The following VPS33A variants were observed in gnomAD, a reference collection of about 807,000 sequenced individuals.
VPS33A encodes vacuolar protein sorting-associated protein 33A.
In VPS33A, 32 loss-of-function variants were observed where a neutral mutation model predicts 71.8. The observed-to-expected ratio is 0.45, with a 90% confidence interval of 0.34 to 0.60. The LOEUF is 0.60. Ranked by LOEUF, VPS33A falls within the 20% of genes least tolerant of loss-of-function variation. The probability of loss-of-function intolerance (pLI) is 0.02; values close to 1 mark genes in which losing one functional copy is unlikely to be tolerated. For synonymous variants in VPS33A, 311 were observed against 292.7 expected (o/e 1.06, Z -0.64); for missense variants, 625 against 748.5 (o/e 0.84, Z 1.92).
At chr12:122,265,388 C>T (rs1402740644) in intron 1 of VPS33A, among the ~76,000 whole-genome samples, 2 of 152,102 alleles carry the variant, frequency 1.3e-5, no homozygotes, top group African/African-American at 4.8e-5. Context: ...CGCTAAACTC[C>T]AGTATCATTT....
chr12:122,249,830 C>T (rs1566045746), intron 6 of VPS33A, 41 bp downstream of exon 6: 2 of 1,552,442 alleles, frequency 1.3e-6, no homozygotes, highest in East Asian at 4.5e-5. Context: ...GGATATTCTT[C>T]TCATATTACC....
chr12:122,237,972 G>C (rs1006903914), intron 10 of VPS33A, among the ~76,000 whole-genome samples: 4 of 151,408 alleles, frequency 2.6e-5, no homozygotes, highest in Non-Finnish European at 5.9e-5. Context: ...TTTTTGTAGA[G>C]ACAGGGTCTT....
chr12:122,255,651 G>A (rs919091996), intron 4 of VPS33A, among the ~76,000 whole-genome samples: 4 of 137,394 alleles, frequency 2.9e-5, no homozygotes, highest in Admixed American at 2.4e-4. Context: ...GTTGCAGTGA[G>A]CCGAGATTGC....
chr12:122,244,489 T>C, intron 7 of VPS33A, 80 bp downstream of exon 7: 1 of 1,271,740 alleles, frequency 7.9e-7, no homozygotes, highest in Non-Finnish European at 1.1e-6. Context: ...GCTACATATT[T>C]TTGGAGCTCT....
chr12:122,256,821 G>A (rs926540505), intron 4 of VPS33A, among the ~76,000 whole-genome samples: 3 of 152,122 alleles, frequency 2.0e-5, no homozygotes, highest in Non-Finnish European at 4.4e-5. Flanking sequence ...CTCCAACAGC[G>A]TAGAGAGGAA....
intron 4 of VPS33A, 49 bp from the exon 5 acceptor site, chr12:122,251,148 G>A (rs756420136): frequency 3.1e-6 from 4 of 1,308,848 alleles, no homozygotes; most frequent in Non-Finnish European, 4.4e-6. Flanking sequence ...GCCTCCCAGG[G>A]GCCCATCTCT....
rs954106837 is a variant in VPS33A at position 122,238,466 on chromosome 12, C to G, written c.1302+121G>C. On this transcript the variant is annotated intron_variant, in intron 10 of 12. Coordinates refer to ENST00000267199, the MANE Select transcript of VPS33A (RefSeq NM_022916.6). ...CAAACTCCTAACCTCAAGTGATCCA[C>G]CTGCTTTGGCCTCCCAAAGTGCTGG... The G allele has an allele frequency of 3.2e-6, 4 of 1,232,224 alleles. No individual in the cohort carries two copies. The African/African-American group carries it at 6.1e-5, about 19-fold the overall frequency. 76.3% of individuals were successfully genotyped at this position (1,232,224 alleles called of 1,614,324 possible). A position where few individuals can be genotyped will look rare whatever the true frequency, so the allele number is the denominator to read the frequency against.
chr12:122,240,270 G>A (rs1954695858), intron 8 of VPS33A, among the ~76,000 whole-genome samples: 1 of 152,188 alleles, frequency 6.6e-6, no homozygotes, highest in African/African-American at 2.4e-5. Context: ...GGAGGTTACA[G>A]TGAGCCAAGA....
intron 6 of VPS33A, among the ~76,000 whole-genome samples, chr12:122,247,002 C>A (rs1433520660): frequency 2.6e-5 from 4 of 152,242 alleles, no homozygotes; most frequent in Non-Finnish European, 4.4e-5. Flanking sequence ...ATTTGTACAA[C>A]CTGATTCCAT....
rs748711996 is a variant in VPS33A, at chr12:122,261,257, T to C, written c.483+4A>G. The C allele has an allele frequency of 6.3e-7, 1 of 1,597,606 alleles. No homozygotes were observed. The highest frequency in any genetic ancestry group is 1.1e-5 in the South Asian group (1 of 88,608). On this transcript the variant is annotated splice_donor_region_variant and intron_variant, in intron 4 of 12. Transcript: ENST00000267199. ...GCCTGAAGTTAAGGAAATGCCAAAC[T>C]TACTTTGAATGCACCCTCTGATTCC... is the stretch of plus-strand genomic sequence containing the variant.
intron 7 of VPS33A, among the ~76,000 whole-genome samples, 186 bp downstream of exon 7, chr12:122,244,383 G>A (rs1221020461): frequency 1.3e-5 from 2 of 152,122 alleles, no homozygotes; most frequent in Non-Finnish European, 2.9e-5. Context: ...ACGCAACGCG[G>A]GTCTGAGAAA....
chr12:122,251,216 T>C, intron 4 of VPS33A, 117 bp from the exon 5 acceptor site: 1 of 713,256 alleles, frequency 1.4e-6, no homozygotes, highest in South Asian at 1.8e-5. Flanking sequence ...TATTTCACAC[T>C]GTGCCAGGAA....
intron 4 of VPS33A, among the ~76,000 whole-genome samples, chr12:122,257,246 G>C (rs1476999506): frequency 6.6e-6 from 1 of 151,842 alleles, no homozygotes; most frequent in Non-Finnish European, 1.5e-5. Flanking sequence ...GGGCAACATG[G>C]TAAAATCCCG....
At chr12:122,241,293 CTCTT>C (rs1166369339) in intron 8 of VPS33A, among the ~76,000 whole-genome samples, 1 of 152,036 alleles carries the variant, frequency 6.6e-6, no homozygotes, top group Non-Finnish European at 1.5e-5. Context: ...GACCCTTCCT[CTCTT>C]TCTCTTTTTC....
Position 122,231,756 on chromosome 12 carries a change from C to A in VPS33A, c.*490G>T. Reference sequence around the variant, plus strand: ...CTCAGGTTGATTTTCTTCTATTCTTCTTTCTTCAGCAGATTAGGGGCCAGG... The same window carrying A: ...CTCAGGTTGATTTTCTTCTATTCTTATTTCTTCAGCAGATTAGGGGCCAGG... On this transcript the variant is annotated 3_prime_UTR_variant, in exon 13 of 13. Transcript: ENST00000267199. The A allele has an allele frequency of 4.9e-6, 1 of 202,216 alleles. No individual in the cohort carries two copies. Among genetic ancestry groups the A allele is most frequent in the Non-Finnish European group, 9.9e-6 (1 of 101,486 alleles). The allele number at this position is 202,216 out of a possible 1,614,324, so 12.5% of individuals were successfully genotyped here.
intron 4 of VPS33A, among the ~76,000 whole-genome samples, chr12:122,252,292 G>A (rs1244752928): frequency 6.6e-6 from 1 of 150,926 alleles, no homozygotes; most frequent in Non-Finnish European, 1.5e-5. Context: ...TTTTTGAGAT[G>A]GAGTCTCGCT....
chr12:122,248,059 G>GGTGTGTGT (rs1954798396), intron 6 of VPS33A: 2 of 86,610 alleles, frequency 2.3e-5, no homozygotes, highest in Non-Finnish European at 4.2e-5. Flanking sequence ...ACCAAATCCA[G>GGTGTGTGT]CTGTGTGTGT....
At chr12:122,262,635 T>C (rs1955011970) in intron 3 of VPS33A, among the ~76,000 whole-genome samples, 1 of 148,770 alleles carries the variant, frequency 6.7e-6, no homozygotes, top group South Asian at 2.1e-4. Context: ...GAAATTCAAG[T>C]ACATGCAGTA....
At chr12:122,232,470 A>G in intron 12 of VPS33A, 43 bp from the exon 13 acceptor site, 1 of 1,544,674 alleles carries the variant, frequency 6.5e-7, no homozygotes, top group African/African-American at 1.4e-5. Flanking sequence ...TTTATTATTA[A>G]TGCTTCTCTT....
Sources: allele counts gnomAD v4.1 joint callset (sites outside exome capture counted in the v4.1 genomes callset), GRCh38; gene constraint gnomAD v4.1.1; transcripts MANE v1.5; gene names NCBI Gene and HGNC (gene_info 2026-07-23, HGNC 2026-07-21).